The following HLA-DQB1 variants were observed in gnomAD, a reference collection of about 807,000 sequenced individuals.
HLA-DQB1 encodes HLA class II histocompatibility antigen, DQ beta 1 chain.
HLA-DQB1 carries 13 observed loss-of-function variants against 26.4 expected under a neutral mutation model. The observed-to-expected ratio is 0.49, with a 90% confidence interval of 0.32 to 0.78. The LOEUF is 0.78. Among genes scored for constraint, HLA-DQB1 ranks in the 30% least tolerant of loss-of-function variants. HLA-DQB1 has a pLI of 0.03. For synonymous variants in HLA-DQB1, 60 were observed against 129.1 expected (o/e 0.46, Z 3.63); for missense variants, 158 against 326.2 (o/e 0.48, Z 3.97).
chr6:32,664,982 G>T, exon 2 of HLA-DQB1: 1 of 1,374,140 alleles, frequency 7.3e-7, no homozygotes, highest in Non-Finnish European at 1.0e-6. Context: ...ACTCCTCTCG[G>T]TTATAGATGT....
At chr6:32,665,274 C>A (rs28371195) in intron 1 of HLA-DQB1, among the ~76,000 whole-genome samples, 9,860 of 129,648 alleles carry the variant, frequency 0.076, 634 homozygotes, top group Middle Eastern at 0.11. Flanking sequence ...TGCCTTCCTA[C>A]ATCCAGGAAA....
intron 3 of HLA-DQB1, 146 bp from the exon 4 acceptor site, chr6:32,661,603 A>C (rs9273742): frequency 1.4e-4 from 68 of 474,776 alleles, no homozygotes. Context: ...GAGGGGAAAG[A>C]CCAGCCAATA....
chr6:32,665,176 C>A (rs281861961), intron 1 of HLA-DQB1, 109 bp from the exon 2 acceptor site: 1 of 669,014 alleles, frequency 1.5e-6, no homozygotes, highest in Non-Finnish European at 2.2e-6. Flanking sequence ...CTCCAGTTCC[C>A]GCCCGCCCGT....
rs777135817 is a variant in HLA-DQB1, at chr6:32,665,093, TCAG to T, written c.110-29_110-27del. On this transcript the variant is annotated intron_variant, in intron 1 of 4. Transcript: ENST00000434651. ...CTGCGGGGAATCACCGGCCGGTCAG[TCAG>T]GCCCCAGCCCGGCCGCCCCCGCAGC... 1,032 of 1,107,338 alleles carry T rather than the reference TCAG, an allele frequency of 9.3e-4. 10 individuals carry two copies. The highest frequency in any genetic ancestry group is 3.7e-3 in the African/African-American group (153 of 41,584). The allele number at this position is 1,107,338 out of a possible 1,614,324, so 68.6% of individuals were successfully genotyped here. A position where few individuals can be genotyped will look rare whatever the true frequency, so the allele number is the denominator to read the frequency against.
exon 5 of HLA-DQB1, chr6:32,659,643 G>A (rs1217827810): frequency 6.6e-6 from 1 of 151,870 alleles, no homozygotes; most frequent in African/African-American, 2.4e-5. Flanking sequence ...CCAGAAGAGA[G>A]GCTGGGATAT....
At chr6:32,665,636 G>C (rs281861550) in intron 1 of HLA-DQB1, among the ~76,000 whole-genome samples, 1 of 126,516 alleles carries the variant, frequency 7.9e-6, no homozygotes, top group Non-Finnish European at 1.7e-5. Context: ...CCTAGATAGA[G>C]ACATTTATTC....
chr6:32,664,647 C>CT, intron 2 of HLA-DQB1, 151 bp downstream of exon 2: 2 of 264,494 alleles, frequency 7.6e-6, no homozygotes, highest in Non-Finnish European at 6.6e-6. Context: ...TCCGATGCAC[C>CT]TGCCCCCACC....
intron 1 of HLA-DQB1, 130 bp from the exon 2 acceptor site, chr6:32,665,197 C>G (rs9274420): frequency 0.17 from 76,735 of 464,192 alleles, 14,406 homozygotes; most frequent in Middle Eastern, 0.31. Context: ...GCCTGGCGCT[C>G]CAGACCTGGG....
At chr6:32,664,422 T>C in intron 2 of HLA-DQB1, 1 of 135,442 alleles carries the variant, frequency 7.4e-6, no homozygotes, top group South Asian at 1.1e-4. Context: ...GGTGGGGCAG[T>C]GCTAGCGAGG....
At chr6:32,661,598 G>A in intron 3 of HLA-DQB1, 141 bp from the exon 4 acceptor site, 10 of 514,674 alleles carry the variant, frequency 1.9e-5, no homozygotes, top group Non-Finnish European at 3.2e-6. Context: ...CTAAGGAGGG[G>A]AAAGACCAGC....
At chr6:32,661,384 A>G (rs1130430) in exon 4 of HLA-DQB1, 370,798 of 1,006,858 alleles carry the variant, frequency 0.37, 131,833 homozygotes, top group East Asian at 0.59. Flanking sequence ...GGCCCAGCCC[A>G]AGGAAGATCA....
At position 32,660,331 on chromosome 6, in the gene HLA-DQB1, C is replaced by A. The variant is rs1188637507; in HGVS notation, c.773-82G>T. On this transcript the variant is annotated intron_variant, in intron 4 of 4. Transcript: ENST00000434651. ...TCCCCCACCCTTCAGGGGCCCCCTG[C>A]AGCTTCAGACAGAGAAAGTTGAGGT... 9 of 672,472 alleles carry A rather than the reference C, an allele frequency of 1.3e-5. 2 individuals carry two copies. The highest frequency in any genetic ancestry group is 2.2e-5 in the Non-Finnish European group (9 of 418,280). The allele number at this position is 672,472 out of a possible 1,614,324, so 41.7% of individuals were successfully genotyped here. A position where few individuals can be genotyped will look rare whatever the true frequency, so the allele number is the denominator to read the frequency against.
At chr6:32,661,574 C>T in intron 3 of HLA-DQB1, 117 bp from the exon 4 acceptor site, 1 of 635,488 alleles carries the variant, frequency 1.6e-6, no homozygotes, top group Non-Finnish European at 2.5e-6. Context: ...CCTAGTTCTC[C>T]ATTCAGACCA....
At position 32,665,803 on chromosome 6, in the gene HLA-DQB1, TGA is replaced by T. The variant is rs1224769941; in HGVS notation, c.109+694_109+695del. Among the ~76,000 whole-genome samples the T allele has an allele frequency of 1.2e-4, 11 of 88,806 alleles. No homozygotes were observed. In the Admixed American group the frequency reaches 1.3e-3, roughly 11 times the overall value. 58.3% of individuals were successfully genotyped at this position (88,806 alleles called of 152,430 possible). ...TCTACACACAGGATGTTAGAAGGAG[TGA>T]GAGAGAAGTTATATAAAGTATTGTT... On this transcript the variant is annotated intron_variant, in intron 1 of 4. Coordinates refer to ENST00000434651, the Ensembl canonical transcript of HLA-DQB1.
intron 4 of HLA-DQB1, chr6:32,660,873 C>G (rs1782914344): frequency 6.6e-7 from 1 of 1,517,782 alleles, no homozygotes; most frequent in African/African-American, 1.4e-5. Context: ...TGGTGGAGGC[C>G]CTTGAGGTCT....
chr6:32,664,762 C>T, intron 2 of HLA-DQB1, 36 bp downstream of exon 2: 1 of 811,580 alleles, frequency 1.2e-6, no homozygotes, highest in African/African-American at 2.2e-5. Flanking sequence ...GGGTCTCGGC[C>T]AAGGGTGGGC....
chr6:32,660,476 TG>T, intron 4 of HLA-DQB1: 1 of 359,274 alleles, frequency 2.8e-6, no homozygotes. Flanking sequence ...GTTATTCTTC[TG>T]GGGAATATGA....
At chr6:32,664,555 G>A (rs148957557) in intron 2 of HLA-DQB1, 59,002 of 229,612 alleles carry the variant, frequency 0.26, 18,006 homozygotes, top group African/African-American at 0.31. Context: ...GGACGAGGCC[G>A]ACGGACGGGG....
intron 2 of HLA-DQB1, chr6:32,663,682 G>C (rs281863315): frequency 1.7e-5 from 2 of 117,536 alleles, no homozygotes; most frequent in East Asian, 4.4e-4. Flanking sequence ...TAACATAGAT[G>C]GTATTTGATA....
Sources: gnomAD v4.1 joint callset for allele counts (sites outside exome capture counted in the v4.1 genomes callset) on GRCh38, gnomAD v4.1.1 for gene constraint, MANE v1.5 for transcripts, NCBI Gene and HGNC (gene_info 2026-07-23, HGNC 2026-07-21) for gene names.